NAV3: variants seen among roughly 807,000 people sequenced by gnomAD.
NAV3 encodes the protein neuron navigator 3.
NAV3 carries 87 observed loss-of-function variants against 244.7 expected under a neutral mutation model. The observed-to-expected ratio is 0.36, with a 90% confidence interval of 0.30 to 0.42. NAV3 has a LOEUF of 0.42. Among genes scored for constraint, NAV3 ranks in the 20% least tolerant of loss-of-function variants. The pLI, the probability that NAV3 is intolerant of heterozygous loss-of-function variation, is 1.00. For synonymous variants in NAV3, 1,126 were observed against 1,042.2 expected (o/e 1.08, Z -1.55); for missense variants, 2,663 against 2,893.3 (o/e 0.92, Z 1.83).
chr12:78,123,951 A>G (rs980599046), intron 16 of NAV3, among the ~76,000 whole-genome samples: 7 of 152,254 alleles, frequency 4.6e-5, no homozygotes, highest in Admixed American at 4.6e-4. Context: ...TGAATGAATT[A>G]TATTAAAATA....
At chr12:77,695,842 C>T (rs1349620876) in intron 2 of NAV3, among the ~76,000 whole-genome samples, 2 of 152,096 alleles carry the variant, frequency 1.3e-5, no homozygotes, top group East Asian at 1.9e-4. Context: ...CCCTCAGTGC[C>T]TCAAATAAAG....
chr12:77,700,938 ACT>A (rs140623824), intron 2 of NAV3, among the ~76,000 whole-genome samples: 126,927 of 150,796 alleles, frequency 0.84, 54,889 homozygotes, highest in East Asian at 1. Flanking sequence ...TATATTATAA[ACT>A]CTTTTATATT....
At chr12:77,612,396 A>T (rs1179888953) in intron 2 of NAV3, among the ~76,000 whole-genome samples, 1 of 152,146 alleles carries the variant, frequency 6.6e-6, no homozygotes, top group African/African-American at 2.4e-5. Flanking sequence ...CTTGAAGGCA[A>T]ATGATGTGTT....
intron 33 of NAV3, among the ~76,000 whole-genome samples, chr12:78,189,708 C>T (rs931776460): frequency 2.0e-5 from 3 of 151,832 alleles, no homozygotes; most frequent in Admixed American, 2.0e-4. Context: ...CCATTTCTCT[C>T]TGGAAACATA....
intron 1 of NAV3, among the ~76,000 whole-genome samples, chr12:77,878,315 TC>T (rs1565882717): frequency 6.6e-6 from 1 of 152,076 alleles, no homozygotes; most frequent in Non-Finnish European, 1.5e-5. Context: ...AACCTCCACC[TC>T]CCTGGTTCAA....
At chr12:78,127,322 A>G in intron 17 of NAV3, 114 bp downstream of exon 17, 1 of 1,037,160 alleles carries the variant, frequency 9.6e-7, no homozygotes, top group Non-Finnish European at 1.5e-6. Context: ...TGAGGACGAA[A>G]TCACTTTTAA....
rs1269419015 is a variant in NAV3 at position 77,950,788 on chromosome 12, G to C, written c.414+9655G>C. The C allele has an allele frequency of 3.9e-5, 6 of 152,104 alleles. No individual in the cohort carries two copies. In the East Asian group the frequency reaches 1.2e-3, roughly 29 times the overall value. 9.4% of individuals were successfully genotyped at this position (152,104 alleles called of 1,614,324 possible). On this transcript the variant is annotated intron_variant, in intron 3 of 39. Coordinates refer to ENST00000397909, the MANE Select transcript of NAV3 (RefSeq NM_001024383.2). ...ACACATCTACAACCATGTGATCTTTGACAAACCTGACAAAAACAAGAAATG... is the reference window on the plus strand; with the variant it reads ...ACACATCTACAACCATGTGATCTTTCACAAACCTGACAAAAACAAGAAATG...
rs77181275 is a variant in NAV3 at position 78,184,163 on chromosome 12, G to A, written c.5693-1438G>A. ...GAAATACATACTCCAAAAAAACAAG[G>A]AATTCACTTTCTTTCTCATCTTGGT... On this transcript the variant is annotated intron_variant, in intron 30 of 39. Coordinates refer to ENST00000397909, the MANE Select transcript of NAV3 (RefSeq NM_001024383.2). Among the ~76,000 whole-genome samples, 83 of 151,870 alleles carry A rather than the reference G, an allele frequency of 5.5e-4. No homozygotes were observed. In the East Asian group the frequency reaches 0.015, roughly 28 times the overall value.
At chr12:77,699,946 A>G (rs1223248160) in intron 2 of NAV3, among the ~76,000 whole-genome samples, 1 of 152,152 alleles carries the variant, frequency 6.6e-6, no homozygotes, top group African/African-American at 2.4e-5. Flanking sequence ...TTTTAAAATC[A>G]GATGGTATGA....
intron 2 of NAV3, among the ~76,000 whole-genome samples, chr12:77,722,017 G>T (rs1199450099): frequency 6.6e-6 from 1 of 152,020 alleles, no homozygotes; most frequent in Non-Finnish European, 1.5e-5. Context: ...TGAGCCAACT[G>T]TCATAAACTG....
intron 28 of NAV3, among the ~76,000 whole-genome samples, chr12:78,178,233 C>T (rs1294523155): frequency 1.3e-5 from 2 of 148,602 alleles, no homozygotes. Flanking sequence ...GATCTCGGTT[C>T]ACTGCAACCT....
intron 12 of NAV3, among the ~76,000 whole-genome samples, chr12:78,065,252 G>A (rs919012252): frequency 6.6e-6 from 1 of 152,036 alleles, no homozygotes; most frequent in African/African-American, 2.4e-5. Flanking sequence ...TCTTTTTGGA[G>A]ATTTTAATGC....
chr12:77,598,543 C>T (rs1565730803), intron 2 of NAV3, among the ~76,000 whole-genome samples: 1 of 151,900 alleles, frequency 6.6e-6, no homozygotes, highest in African/African-American at 2.4e-5. Context: ...ACAATTTTAG[C>T]TTGATTGACT....
At chr12:78,066,508 A>G (rs1885039814) in intron 12 of NAV3, among the ~76,000 whole-genome samples, 1 of 152,114 alleles carries the variant, frequency 6.6e-6, no homozygotes, top group Non-Finnish European at 1.5e-5. Context: ...AGCTCCAGAT[A>G]CCATATATTA....
chr12:78,003,818 C>T lies in NAV3; in HGVS notation c.881-2601C>T, dbSNP rs767820170. ...AATTTAGATGTTTTGCAAGTGTGAACGAATATCTATTCTCACATCAACTCA... is the reference window on the plus strand; with the variant it reads ...AATTTAGATGTTTTGCAAGTGTGAATGAATATCTATTCTCACATCAACTCA... On this transcript the variant is annotated intron_variant, in intron 7 of 39. Transcript: ENST00000397909. 3.7e-4 allele frequency among the ~76,000 whole-genome samples: 56 copies of T among 152,150 alleles called. 1 individual carries two copies. The highest frequency in any genetic ancestry group is 5.9e-4 in the Non-Finnish European group (40 of 68,030).
chr12:77,821,537 A>G (rs1302057841), intron 2 of NAV3, among the ~76,000 whole-genome samples: 1 of 152,168 alleles, frequency 6.6e-6, no homozygotes, highest in Non-Finnish European at 1.5e-5. Flanking sequence ...ATTCCAAGTG[A>G]TCCTATAAAT....
intron 18 of NAV3, among the ~76,000 whole-genome samples, chr12:78,132,688 T>TA (rs1956215645): frequency 6.6e-6 from 1 of 152,168 alleles, no homozygotes; most frequent in Admixed American, 6.6e-5. Context: ...GACTTTTTTT[T>TA]ATCCTAAACC....
chr12:78,143,517 G>C (rs141552098), intron 20 of NAV3: 160 of 289,928 alleles, frequency 5.5e-4, no homozygotes, highest in African/African-American at 3.7e-3. Flanking sequence ...TGTAATCCCA[G>C]CTATTTGGGA....
At chr12:77,915,513 C>G (rs1054148614) in intron 1 of NAV3, among the ~76,000 whole-genome samples, 2 of 151,566 alleles carry the variant, frequency 1.3e-5, no homozygotes, top group African/African-American at 4.8e-5. Context: ...CACTGGATCT[C>G]TTCATGTTAA....
Sources: allele counts gnomAD v4.1 joint callset (sites outside exome capture counted in the v4.1 genomes callset), GRCh38; gene constraint gnomAD v4.1.1; transcripts MANE v1.5; gene names NCBI Gene and HGNC (gene_info 2026-07-23, HGNC 2026-07-21).